Variants in MED12L observed in about 807,000 individuals in gnomAD.
MED12L encodes the protein mediator of RNA polymerase II transcription subunit 12-like protein.
In MED12L, 60 loss-of-function variants were observed where a neutral mutation model predicts 281.3. That is an observed-to-expected ratio of 0.21 (90% CI 0.17 to 0.26). MED12L has a LOEUF of 0.26. Among genes scored for constraint, MED12L ranks in the 10% least tolerant of loss-of-function variants. The pLI is 1.00. For synonymous variants in MED12L, 974 were observed against 987.2 expected (o/e 0.99, Z 0.25); for missense variants, 2,146 against 2,680.9 (o/e 0.80, Z 4.41).
Position 151,355,083 on chromosome 3 carries a change from TA to T in MED12L, c.2399-35del, listed in dbSNP as rs753487697. On this transcript the variant is annotated intron_variant, in intron 17 of 44. Coordinates refer to ENST00000687756, the MANE Select transcript of MED12L (RefSeq NM_001393769.1). ...CATTAAAAATGTCGAGAGCTTCTAT[TA>T]AATGGAAAATAATGGATCTGCTTTA... The T allele has an allele frequency of 6.7e-6, 10 of 1,501,214 alleles. No homozygotes were observed. The South Asian group carries it at 1.0e-4, about 16-fold the overall frequency. The allele number at this position is 1,501,214 out of a possible 1,614,324, so 93.0% of individuals were successfully genotyped here.
At chr3:151,345,096 T>A (rs1057133464) in intron 16 of MED12L, among the ~76,000 whole-genome samples, 13 of 152,236 alleles carry the variant, frequency 8.5e-5, no homozygotes, top group South Asian at 2.1e-4. Context: ...AGTTTCTTCA[T>A]CTATTAAGTT....
Position 151,133,290 on chromosome 3 carries a change from A to T in MED12L, c.556+5306A>T, listed in dbSNP as rs371784326. ...ACTTTTCCCAAAGTTAAGTGGGCTC[A>T]CAGCAACAAGGAGCAACACAGAGAT... On this transcript the variant is annotated intron_variant, in intron 5 of 44. Transcript: ENST00000687756. Among the ~76,000 whole-genome samples, 97 of 152,338 alleles carry T rather than the reference A, an allele frequency of 6.4e-4. 1 individual carries two copies. The highest frequency in any genetic ancestry group is 2.3e-3 in the African/African-American group (94 of 41,566).
At chr3:151,191,940 G>C (rs1724041591) in intron 14 of MED12L, among the ~76,000 whole-genome samples, 1 of 151,904 alleles carries the variant, frequency 6.6e-6, no homozygotes, top group Non-Finnish European at 1.5e-5. Context: ...ACACCTCACA[G>C]TTTAGGCATA....
intron 6 of MED12L, among the ~76,000 whole-genome samples, chr3:151,156,554 C>A (rs1196879436): frequency 6.6e-6 from 1 of 152,212 alleles, no homozygotes; most frequent in Non-Finnish European, 1.5e-5. Flanking sequence ...CATGTTAGCT[C>A]TTTTAGTGCT....
At chr3:151,199,156 C>G (rs750878406) in intron 16 of MED12L, 3 of 1,614,116 alleles carry the variant, frequency 1.9e-6, no homozygotes, top group Non-Finnish European at 2.5e-6. Flanking sequence ...TCCAAGGTGC[C>G]ACACCCAAGT....
chr3:151,205,937 G>T (rs1726284925), intron 16 of MED12L, among the ~76,000 whole-genome samples: 1 of 152,108 alleles, frequency 6.6e-6, no homozygotes, highest in Admixed American at 6.5e-5. Context: ...GTGAATTTGG[G>T]ACGCTCTTAC....
At chr3:151,430,471 T>A in intron 44 of MED12L, 91 bp downstream of exon 44, 1 of 1,579,984 alleles carries the variant, frequency 6.3e-7, no homozygotes, top group Non-Finnish European at 8.6e-7. Flanking sequence ...CCCAAGATGG[T>A]ACCATCTTCC....
intron 11 of MED12L, 26 bp from the exon 12 acceptor site, chr3:151,185,304 T>C (rs1277800872): frequency 1.2e-6 from 2 of 1,610,882 alleles, no homozygotes; most frequent in Non-Finnish European, 1.7e-6. Context: ...TTGATGTGGC[T>C]GGTACCCCTC....
At chr3:151,284,441 CCTGACTAGAATAGTGGT>C (rs1367991307) in intron 16 of MED12L, among the ~76,000 whole-genome samples, 12 of 152,168 alleles carry the variant, frequency 7.9e-5, no homozygotes, top group African/African-American at 2.9e-4. Context: ...TCCTTGGTGG[CCTGACTAGAATAGTGGT>C]TTTAGGCAAT....
chr3:151,120,290 C>A (rs780417005), intron 3 of MED12L, among the ~76,000 whole-genome samples: 5 of 151,832 alleles, frequency 3.3e-5, no homozygotes, highest in African/African-American at 4.8e-5. Flanking sequence ...ACCTTGTTTG[C>A]GGGAGTACAC....
chr3:151,382,875 A>G, intron 33 of MED12L, 130 bp downstream of exon 33: 1 of 649,772 alleles, frequency 1.5e-6, no homozygotes. Context: ...GCTCTCTGTA[A>G]TTACTTCCCT....
At chr3:151,099,404 A>T (rs11715095) in intron 2 of MED12L, among the ~76,000 whole-genome samples, 3,148 of 152,322 alleles carry the variant, frequency 0.021, 118 homozygotes, top group East Asian at 0.18. Flanking sequence ...ATTTGAATAC[A>T]TATTCATTAA....
At chr3:151,116,493 G>T (rs780916621) in intron 3 of MED12L, 51 bp downstream of exon 3, 7 of 1,149,244 alleles carry the variant, frequency 6.1e-6, no homozygotes, top group Non-Finnish European at 7.8e-6. Flanking sequence ...GTGTATATGT[G>T]ACACCCTTAA....
chr3:151,215,113 CT>C lies in MED12L; in HGVS notation c.2250+21458del, dbSNP rs556487682. Reference sequence around the variant, plus strand: ...TTATGGGTACCTTTTCAATATTGAGCTTTTTTTTTTTCCCATTGAAAAACTG... The same window carrying C: ...TTATGGGTACCTTTTCAATATTGAGCTTTTTTTTTTCCCATTGAAAAACTG... On this transcript the variant is annotated intron_variant, in intron 16 of 44. Transcript: ENST00000687756. 9.6e-4 allele frequency among the ~76,000 whole-genome samples: 140 copies of C among 145,240 alleles called. 1 individual carries two copies. The highest frequency in any genetic ancestry group is 3.5e-3 in the Middle Eastern group (1 of 286).
intron 5 of MED12L, among the ~76,000 whole-genome samples, chr3:151,147,538 G>A (rs563431208): frequency 2.0e-5 from 3 of 152,124 alleles, no homozygotes; most frequent in Non-Finnish European, 1.5e-5. Context: ...TTCAGTAGCC[G>A]CAGGCAACCA....
At chr3:151,087,081 C>T (rs567765229) in intron 2 of MED12L, 56 bp downstream of exon 2, 79 of 1,433,464 alleles carry the variant, frequency 5.5e-5, no homozygotes, top group Admixed American at 4.1e-4. Flanking sequence ...AGCACTGACC[C>T]GGGGCCAAGT....
At chr3:151,247,208 T>C (rs1317375172) in intron 16 of MED12L, among the ~76,000 whole-genome samples, 1 of 152,088 alleles carries the variant, frequency 6.6e-6, no homozygotes, top group Non-Finnish European at 1.5e-5. Context: ...AGTGTGGCGA[T>C]TCCTCAGGGA....
intron 2 of MED12L, among the ~76,000 whole-genome samples, chr3:151,087,672 G>A (rs1306890077): frequency 6.6e-6 from 1 of 152,164 alleles, no homozygotes. Context: ...GTTACCTTGG[G>A]AGGGAATAGT....
intron 16 of MED12L, among the ~76,000 whole-genome samples, chr3:151,195,614 C>T (rs1036173504): frequency 6.6e-6 from 1 of 152,048 alleles, no homozygotes; most frequent in Non-Finnish European, 1.5e-5. Flanking sequence ...GAAAGAGTAG[C>T]CTTATATTTT....
Sources: allele counts gnomAD v4.1 joint callset (sites outside exome capture counted in the v4.1 genomes callset), GRCh38; gene constraint gnomAD v4.1.1; transcripts MANE v1.5; gene names NCBI Gene and HGNC (gene_info 2026-07-23, HGNC 2026-07-21).